GPC5: variants seen among roughly 807,000 people sequenced by gnomAD.
GPC5 encodes glypican-5.
In GPC5, 47 loss-of-function variants were observed where a neutral mutation model predicts 53.9. That is an observed-to-expected ratio of 0.87 (90% CI 0.69 to 1.11). The LOEUF (loss-of-function observed/expected upper bound fraction) is 1.11, where lower values mean the gene tolerates loss of function less well. Among genes scored for constraint, GPC5 ranks in the 50% most tolerant of loss-of-function variants. The pLI is 0.00. For synonymous variants in GPC5, 286 were observed against 263.3 expected (o/e 1.09, Z -0.84); for missense variants, 748 against 713.1 (o/e 1.05, Z -0.56).
intron 5 of GPC5, among the ~76,000 whole-genome samples, chr13:91,848,812 A>G (rs2038880612): frequency 6.6e-6 from 1 of 152,204 alleles, no homozygotes; most frequent in African/African-American, 2.4e-5. Flanking sequence ...TTGAAAGTCA[A>G]TTGTTACGCA....
chr13:92,638,860 G>A (rs147530297), intron 7 of GPC5, among the ~76,000 whole-genome samples: 13 of 152,224 alleles, frequency 8.5e-5, no homozygotes, highest in Non-Finnish European at 1.5e-4. Flanking sequence ...AGGCACAAAA[G>A]ACTTATGAAA....
chr13:91,665,427 A>G (rs1255437579), intron 2 of GPC5, among the ~76,000 whole-genome samples: 1 of 152,192 alleles, frequency 6.6e-6, no homozygotes, highest in Non-Finnish European at 1.5e-5. Context: ...GTAATATTCC[A>G]TAGTGATAGT....
intron 7 of GPC5, among the ~76,000 whole-genome samples, chr13:92,510,540 A>T (rs115708563): frequency 6.6e-6 from 1 of 152,166 alleles, no homozygotes; most frequent in Non-Finnish European, 1.5e-5. Context: ...TTCAATTGCA[A>T]TGTTGACTAT....
intron 7 of GPC5, among the ~76,000 whole-genome samples, chr13:92,572,485 G>A (rs1007318323): frequency 2.6e-5 from 4 of 152,102 alleles, no homozygotes; most frequent in Admixed American, 6.6e-5. Flanking sequence ...GGTGACCCTG[G>A]CCTCTTGATA....
chr13:92,550,961 G>A (rs1216715062), intron 7 of GPC5, among the ~76,000 whole-genome samples: 1 of 151,852 alleles, frequency 6.6e-6, no homozygotes, highest in Non-Finnish European at 1.5e-5. Flanking sequence ...CGATGTTTGA[G>A]TTGGACTTCC....
intron 7 of GPC5, among the ~76,000 whole-genome samples, chr13:92,497,260 T>A (rs1246275205): frequency 6.6e-6 from 1 of 152,210 alleles, no homozygotes; most frequent in Non-Finnish European, 1.5e-5. Context: ...AAGTCTTTAA[T>A]CAATCTTGAG....
chr13:91,523,062 G>A (rs1402327190), intron 2 of GPC5, among the ~76,000 whole-genome samples: 2 of 152,140 alleles, frequency 1.3e-5, no homozygotes, highest in African/African-American at 4.8e-5. Context: ...CATAGTTTAG[G>A]ATGGCGATTA....
chr13:92,320,867 A>AT (rs559450490), intron 7 of GPC5, among the ~76,000 whole-genome samples: 48 of 152,296 alleles, frequency 3.2e-4, no homozygotes, highest in South Asian at 1.7e-3. Context: ...TCAAATGTGG[A>AT]TTTTAAAAAT....
At chr13:91,540,189 A>G (rs927155918) in intron 2 of GPC5, among the ~76,000 whole-genome samples, 1 of 152,198 alleles carries the variant, frequency 6.6e-6, no homozygotes, top group African/African-American at 2.4e-5. Context: ...TGAAACAGCT[A>G]GTTTACTTAT....
intron 7 of GPC5, among the ~76,000 whole-genome samples, chr13:92,652,304 T>C (rs1424255289): frequency 1.3e-5 from 2 of 152,208 alleles, no homozygotes; most frequent in Non-Finnish European, 2.9e-5. Context: ...TCTCCAATGC[T>C]TCTTTTTGCT....
intron 7 of GPC5, among the ~76,000 whole-genome samples, chr13:92,719,448 T>C (rs1327047666): frequency 2.6e-5 from 4 of 152,210 alleles, no homozygotes; most frequent in Non-Finnish European, 5.9e-5. Flanking sequence ...TAATTGCTTG[T>C]AACATTCTAT....
intron 7 of GPC5, among the ~76,000 whole-genome samples, chr13:92,344,013 C>G (rs1325371875): frequency 6.6e-6 from 1 of 151,862 alleles, no homozygotes; most frequent in East Asian, 1.9e-4. Context: ...GTTTTCCTGC[C>G]CAGCCTGCTT....
At chr13:92,619,356 T>C (rs1459069470) in intron 7 of GPC5, among the ~76,000 whole-genome samples, 1 of 152,010 alleles carries the variant, frequency 6.6e-6, no homozygotes, top group East Asian at 1.9e-4. Flanking sequence ...ATGCATTTAT[T>C]ATTTAAAATA....
chr13:92,009,117 C>G (rs1475975424), intron 6 of GPC5, among the ~76,000 whole-genome samples: 3 of 152,044 alleles, frequency 2.0e-5, no homozygotes, highest in Admixed American at 6.6e-5. Flanking sequence ...AGCATTATCT[C>G]TTTCATTTCT....
intron 2 of GPC5, among the ~76,000 whole-genome samples, chr13:91,678,178 CCT>C (rs1312987804): frequency 6.6e-6 from 1 of 152,134 alleles, no homozygotes; most frequent in African/African-American, 2.4e-5. Context: ...TTCATTTCTT[CCT>C]CTGTTTCCCG....
chr13:92,033,461 C>T (rs2040869709), intron 6 of GPC5, among the ~76,000 whole-genome samples: 1 of 152,152 alleles, frequency 6.6e-6, no homozygotes, highest in South Asian at 2.1e-4. Context: ...CTTCTGTGTC[C>T]AACTAAATGG....
intron 7 of GPC5, among the ~76,000 whole-genome samples, chr13:92,842,045 T>A (rs1214289150): frequency 6.6e-6 from 1 of 152,148 alleles, no homozygotes; most frequent in Admixed American, 6.6e-5. Flanking sequence ...GAAGTTTATG[T>A]CTGATTTTCT....
intron 7 of GPC5, among the ~76,000 whole-genome samples, chr13:92,833,803 C>G (rs1878131335): frequency 6.6e-6 from 1 of 152,050 alleles, no homozygotes; most frequent in African/African-American, 2.4e-5. Flanking sequence ...GTTCCAAGCA[C>G]AGGGAATAGC....
chr13:92,270,342 C>T (rs2042831575), intron 7 of GPC5, among the ~76,000 whole-genome samples: 1 of 152,144 alleles, frequency 6.6e-6, no homozygotes, highest in South Asian at 2.1e-4. Flanking sequence ...TTTCCCCCTC[C>T]ATGCCGCTCT....
Sources: gnomAD v4.1 joint callset for allele counts (sites outside exome capture counted in the v4.1 genomes callset) on GRCh38, gnomAD v4.1.1 for gene constraint, MANE v1.5 for transcripts, NCBI Gene and HGNC (gene_info 2026-07-23, HGNC 2026-07-21) for gene names.